Variants in FCHSD2 observed in about 807,000 individuals in gnomAD.
FCHSD2 encodes F-BAR and double SH3 domains protein 2.
A neutral mutation model predicts 108.1 loss-of-function variants in FCHSD2; 38 were observed. That is an observed-to-expected ratio of 0.35 (90% confidence interval 0.27 to 0.46). The LOEUF is 0.46. Among genes scored for constraint, FCHSD2 ranks in the 20% least tolerant of loss-of-function variants. FCHSD2 has a pLI of 1.00. For missense variants in FCHSD2, 751 were observed against 897.8 expected, an observed-to-expected ratio of 0.84 and a Z score of 2.09; for synonymous variants, 279 against 314.7, an observed-to-expected ratio of 0.89 and a Z score of 1.20.
At chr11:72,994,208 G>A (rs1220212057) in intron 5 of FCHSD2, among the ~76,000 whole-genome samples, 3 of 152,146 alleles carry the variant, frequency 2.0e-5, no homozygotes, top group African/African-American at 7.2e-5. Context: ...GGCAAATTGT[G>A]TTTCCTGTAC....
chr11:72,956,204 A>G (rs746716199), intron 8 of FCHSD2, among the ~76,000 whole-genome samples: 1 of 152,206 alleles, frequency 6.6e-6, no homozygotes, highest in Admixed American at 6.5e-5. Flanking sequence ...GGACATAATG[A>G]TATAAATAAA....
At chr11:72,982,209 G>C (rs1857227714) in intron 8 of FCHSD2, among the ~76,000 whole-genome samples, 1 of 152,326 alleles carries the variant, frequency 6.6e-6, no homozygotes, top group African/African-American at 2.4e-5. Context: ...AGTCCAGTTT[G>C]ACTCCCTTCA....
At chr11:72,845,574 T>C (rs1257658785) in intron 14 of FCHSD2, among the ~76,000 whole-genome samples, 1 of 152,138 alleles carries the variant, frequency 6.6e-6, no homozygotes, top group East Asian at 1.9e-4. Context: ...AAAGCAGTGA[T>C]GACCAATTCT....
intron 2 of FCHSD2, among the ~76,000 whole-genome samples, chr11:73,131,674 G>C (rs188710779): frequency 1.2e-3 from 178 of 150,646 alleles, no homozygotes; most frequent in African/African-American, 4.2e-3. Flanking sequence ...ACTGCACTCC[G>C]GTCTAGGCAA....
At chr11:73,127,328 G>A (rs1389892148) in intron 2 of FCHSD2, among the ~76,000 whole-genome samples, 1 of 152,120 alleles carries the variant, frequency 6.6e-6, no homozygotes, top group African/African-American at 2.4e-5. Flanking sequence ...CACGATCAAG[G>A]AATATTGAAA....
In FCHSD2 at chr11:72,841,666, T is replaced by C. The variant is rs562856542; in HGVS notation, c.1927-83A>G. The C allele has an allele frequency of 2.3e-4, 314 of 1,364,838 alleles. 2 individuals carry two copies. In the African/African-American group the frequency reaches 4.0e-3, roughly 17 times the overall value. 84.5% of individuals were successfully genotyped at this position (1,364,838 alleles called of 1,614,324 possible). A position where few individuals can be genotyped will look rare whatever the true frequency, so the allele number is the denominator to read the frequency against. On this transcript the variant is annotated intron_variant, in intron 17 of 19. Transcript: ENST00000409418. The stretch of plus-strand genomic sequence containing the variant: ...TGCTTCTCTGACTGCTCTGTACTCA[T>C]GCCTTTTCTCTAAAGCTAAGCTGAT...
rs148501569 is a variant in FCHSD2 at position 73,050,915 on chromosome 11, A to G, written c.165+32780T>C. Among the ~76,000 whole-genome samples the G allele has an allele frequency of 3.2e-3, 487 of 152,322 alleles. 12 individuals are homozygous for G. The highest frequency in any genetic ancestry group is 3.5e-3 in the Non-Finnish European group (239 of 68,026). On this transcript the variant is annotated intron_variant, in intron 3 of 19. Transcript: ENST00000409418. ...TCTAGATTAGAACAAAGGTCCTCCA[A>G]CTGTTTGTTACTGATACATAACAGG...
At chr11:73,043,856 C>G (rs551524815) in intron 3 of FCHSD2, among the ~76,000 whole-genome samples, 1 of 152,068 alleles carries the variant, frequency 6.6e-6, no homozygotes, top group East Asian at 1.9e-4. Flanking sequence ...CCTAAAGGAT[C>G]TAGAAATCTC....
At chr11:72,915,320 T>C (rs187728151) in intron 9 of FCHSD2, among the ~76,000 whole-genome samples, 1 of 152,112 alleles carries the variant, frequency 6.6e-6, no homozygotes, top group African/African-American at 2.4e-5. Flanking sequence ...AGTTCAACCA[T>C]CGTGGAAGAC....
At chr11:72,894,191 T>C (rs1855373753) in intron 10 of FCHSD2, among the ~76,000 whole-genome samples, 1 of 152,254 alleles carries the variant, frequency 6.6e-6, no homozygotes, top group African/African-American at 2.4e-5. Flanking sequence ...CATAACATTC[T>C]AGTTAACCCT....
intron 3 of FCHSD2, among the ~76,000 whole-genome samples, chr11:73,035,411 A>ACC (rs1285263062): frequency 2.0e-5 from 3 of 151,508 alleles, no homozygotes; most frequent in East Asian, 3.9e-4. Flanking sequence ...CAAGCAATCC[A>ACC]CCCACCTTTG....
intron 8 of FCHSD2, among the ~76,000 whole-genome samples, chr11:72,944,651 C>T (rs1483024192): frequency 6.6e-6 from 1 of 152,068 alleles, no homozygotes; most frequent in Admixed American, 6.5e-5. Context: ...CTAGAAAACC[C>T]CATTGTCTCA....
chr11:73,109,675 A>G (rs2366256), intron 2 of FCHSD2, among the ~76,000 whole-genome samples: 114,863 of 152,002 alleles, frequency 0.76, 43,750 homozygotes, highest in South Asian at 0.87. Flanking sequence ...TTCCCTTTCC[A>G]CTTTGGATGC....
intron 8 of FCHSD2, among the ~76,000 whole-genome samples, chr11:72,957,700 T>A (rs1247683809): frequency 6.6e-6 from 1 of 151,842 alleles, no homozygotes; most frequent in African/African-American, 2.4e-5. Context: ...GGTAAGGGAG[T>A]AATCTTGCAT....
chr11:73,065,007 T>C (rs375295493), intron 3 of FCHSD2, among the ~76,000 whole-genome samples: 20 of 152,262 alleles, frequency 1.3e-4, no homozygotes, highest in African/African-American at 4.3e-4. Flanking sequence ...ACTCCTTTCA[T>C]GAGGCCAGCA....
At chr11:72,902,424 T>G in intron 10 of FCHSD2, 119 bp downstream of exon 10, 1 of 566,658 alleles carries the variant, frequency 1.8e-6, no homozygotes, top group East Asian at 3.0e-5. Flanking sequence ...CTCACAGTTT[T>G]GTTATAAAAT....
At chr11:73,086,421 A>C (rs1424595150) in intron 2 of FCHSD2, among the ~76,000 whole-genome samples, 2 of 152,164 alleles carry the variant, frequency 1.3e-5, no homozygotes, top group Non-Finnish European at 2.9e-5. Context: ...ACAAACAAAC[A>C]AACAAAAAAC....
At chr11:72,875,312 A>C (rs1280205212) in intron 12 of FCHSD2, among the ~76,000 whole-genome samples, 4 of 152,192 alleles carry the variant, frequency 2.6e-5, no homozygotes, top group African/African-American at 9.6e-5. Context: ...TATTTCATTT[A>C]ATTCACAAAA....
chr11:72,909,926 T>C (rs1253448268), intron 9 of FCHSD2, among the ~76,000 whole-genome samples: 6 of 141,168 alleles, frequency 4.3e-5, no homozygotes, highest in African/African-American at 1.6e-4. Flanking sequence ...CTGCCCATCA[T>C]CTGAGATGTG....
Sources: allele counts gnomAD v4.1 joint callset (sites outside exome capture counted in the v4.1 genomes callset), GRCh38; gene constraint gnomAD v4.1.1; transcripts MANE v1.5; gene names NCBI Gene and HGNC (gene_info 2026-07-23, HGNC 2026-07-21).